Variants in LPAR1 observed in about 807,000 individuals in gnomAD.
LPAR1 encodes lysophosphatidic acid receptor 1.
LPAR1 carries 5 observed loss-of-function variants against 23.8 expected under a neutral mutation model. That is an observed-to-expected ratio of 0.21 (90% CI 0.11 to 0.44). The LOEUF (loss-of-function observed/expected upper bound fraction) is 0.44. Among genes scored for constraint, LPAR1 ranks in the 20% least tolerant of loss-of-function variants. LPAR1 has a pLI of 0.99. For missense variants in LPAR1, 311 were observed against 482.8 expected, an observed-to-expected ratio of 0.64 and a Z score of 3.33; for synonymous variants, 160 against 164.7, an observed-to-expected ratio of 0.97 and a Z score of 0.22.
intron 2 of LPAR1, among the ~76,000 whole-genome samples, chr9:111,018,535 T>TA (rs1160614893): frequency 6.6e-6 from 1 of 152,196 alleles, no homozygotes; most frequent in East Asian, 1.9e-4. Context: ...GACAAAGTAC[T>TA]GATTATGCCC....
intron 2 of LPAR1, among the ~76,000 whole-genome samples, chr9:111,013,139 A>C (rs1421406322): frequency 6.6e-6 from 1 of 152,138 alleles, no homozygotes; most frequent in Non-Finnish European, 1.5e-5. Context: ...TTCCTCATAG[A>C]ACAAGAAGAC....
chr9:110,887,533 T>C (rs1477174959), intron 5 of LPAR1, among the ~76,000 whole-genome samples: 1 of 152,154 alleles, frequency 6.6e-6, no homozygotes, highest in East Asian at 1.9e-4. Flanking sequence ...TGTTCTAATA[T>C]GATAGCTATG....
intron 5 of LPAR1, among the ~76,000 whole-genome samples, chr9:110,934,859 G>C (rs921745616): frequency 6.6e-6 from 1 of 151,934 alleles, no homozygotes; most frequent in Non-Finnish European, 1.5e-5. Context: ...GTGAGAGAGA[G>C]AGGAGAGGAG....
At chr9:111,038,609 C>T (rs1207189215), upstream of LPAR1, 1 of 455,354 alleles carries the variant, frequency 2.2e-6, no homozygotes, top group South Asian at 1.5e-5. This position sits in a 1 kb window ranked among gnomAD's most constrained non-coding sequence, Gnocchi z 4.4. Flanking sequence ...AACACCCGAA[C>T]CCCCAGAGTC....
intron 4 of LPAR1, among the ~76,000 whole-genome samples, chr9:110,957,148 A>C (rs2095786093): frequency 6.6e-6 from 1 of 151,962 alleles, no homozygotes; most frequent in Non-Finnish European, 1.5e-5. Context: ...TGGGAGGATC[A>C]CTTGAGCCCA....
chr9:110,921,958 C>T (rs762359180), intron 5 of LPAR1, among the ~76,000 whole-genome samples: 3 of 152,190 alleles, frequency 2.0e-5, no homozygotes, highest in African/African-American at 4.8e-5. Context: ...TCAGAGCCTA[C>T]GGGGCTGCAT....
chr9:110,973,026 C>T (rs1408547824), intron 3 of LPAR1, among the ~76,000 whole-genome samples: 4 of 152,072 alleles, frequency 2.6e-5, no homozygotes, highest in Non-Finnish European at 5.9e-5. Flanking sequence ...TACTGAGTGA[C>T]TAATGTACAG....
intron 4 of LPAR1, among the ~76,000 whole-genome samples, chr9:110,959,743 C>A (rs1266788711): frequency 1.3e-5 from 2 of 152,128 alleles, no homozygotes; most frequent in Non-Finnish European, 2.9e-5. Context: ...CAGATTCAAC[C>A]TAAATGCCTA....
chr9:111,015,273 C>T (rs1335460027), intron 2 of LPAR1, among the ~76,000 whole-genome samples: 1 of 152,156 alleles, frequency 6.6e-6, no homozygotes, highest in Non-Finnish European at 1.5e-5. Flanking sequence ...CTCTCTCCTA[C>T]TTCGTCTCAT....
intron 5 of LPAR1, among the ~76,000 whole-genome samples, chr9:110,882,702 C>G (rs1402133161): frequency 6.6e-6 from 1 of 152,116 alleles, no homozygotes; most frequent in African/African-American, 2.4e-5. Context: ...AATTTCCGGA[C>G]AACTTCTGAG....
At chr9:110,943,068 T>C (rs1023979398) in intron 4 of LPAR1, among the ~76,000 whole-genome samples, 3 of 147,660 alleles carry the variant, frequency 2.0e-5, no homozygotes, top group African/African-American at 7.4e-5. Context: ...AACAGAATAA[T>C]ATATGTTTAT....
chr9:110,985,492 A>G lies in LPAR1; in HGVS notation c.-181-11934T>C, dbSNP rs141698896. On this transcript the variant is annotated intron_variant, in intron 2 of 5. Coordinates refer to ENST00000683809, the MANE Select transcript of LPAR1 (RefSeq NM_001351411.2). ...AATACAACTAGCCCATCCTGCGCAC[A>G]CTGACTGCAGAGAGAGAAACACAAT... 1.6e-3 allele frequency among the ~76,000 whole-genome samples: 238 copies of G among 152,148 alleles called. 2 individuals carry two copies. The highest frequency in any genetic ancestry group is 5.2e-3 in the African/African-American group (217 of 41,522).
At chr9:110,981,817 A>G (rs1187847263) in intron 2 of LPAR1, among the ~76,000 whole-genome samples, 2 of 152,176 alleles carry the variant, frequency 1.3e-5, no homozygotes, top group African/African-American at 4.8e-5. Flanking sequence ...GGCAAAGGAT[A>G]TGAACAGACA....
chr9:110,965,241 C>A (rs971231376), intron 4 of LPAR1, among the ~76,000 whole-genome samples: 1 of 151,964 alleles, frequency 6.6e-6, no homozygotes, highest in African/African-American at 2.4e-5. Context: ...GAAAATCTAC[C>A]CAAATTCACA....
At chr9:110,985,311 T>C (rs1462646202) in intron 2 of LPAR1, among the ~76,000 whole-genome samples, 1 of 152,130 alleles carries the variant, frequency 6.6e-6, no homozygotes, top group Non-Finnish European at 1.5e-5. Flanking sequence ...ACTCACAGGA[T>C]ACAATATATT....
intron 2 of LPAR1, among the ~76,000 whole-genome samples, chr9:110,995,305 T>C (rs2096976299): frequency 6.6e-6 from 1 of 152,118 alleles, no homozygotes; most frequent in African/African-American, 2.4e-5. Flanking sequence ...AAACTGGAGA[T>C]AAAAGCTTAA....
chr9:110,895,472 A>G (rs1390623066), intron 5 of LPAR1, among the ~76,000 whole-genome samples: 4 of 152,330 alleles, frequency 2.6e-5, no homozygotes, highest in African/African-American at 9.6e-5. Context: ...CAGAGGCCAG[A>G]TCTTCTTAGC....
chr9:110,892,734 A>C (rs1007107147), intron 5 of LPAR1, among the ~76,000 whole-genome samples: 3 of 143,604 alleles, frequency 2.1e-5, no homozygotes, highest in African/African-American at 7.7e-5. Flanking sequence ...GGAAAGGGAA[A>C]GGGAAGGAAG....
At chr9:110,940,288 C>T (rs536088091) in intron 5 of LPAR1, among the ~76,000 whole-genome samples, 4 of 152,288 alleles carry the variant, frequency 2.6e-5, no homozygotes, top group African/African-American at 9.6e-5. Context: ...AATCTGAATA[C>T]TACTTTATAT....
Sources: allele counts gnomAD v4.1 joint callset (sites outside exome capture counted in the v4.1 genomes callset), GRCh38; gene constraint gnomAD v4.1.1; non-coding constraint Gnocchi (gnomAD v3.1); transcripts MANE v1.5; gene names NCBI Gene and HGNC (gene_info 2026-07-23, HGNC 2026-07-21).